Variants in CAPZB observed in about 807,000 individuals in gnomAD.
CAPZB encodes capping actin protein of muscle Z-line subunit beta, also known as F-actin-capping protein subunit beta.
In CAPZB, 2 loss-of-function variants were observed where a neutral mutation model predicts 38.1. That is an observed-to-expected ratio of 0.05 (90% CI 0.02 to 0.17). The LOEUF is 0.17. Ranked by LOEUF, CAPZB falls within the 10% of genes least tolerant of loss-of-function variation. The pLI, the probability that CAPZB is intolerant of heterozygous loss-of-function variation, is 1.00. For synonymous variants in CAPZB, 107 were observed against 127.4 expected, an observed-to-expected ratio of 0.84 and a Z score of 1.08; for missense variants, 161 against 334.2, an observed-to-expected ratio of 0.48 and a Z score of 4.04.
Position 19,445,366 on chromosome 1 carries a change from C to CA in CAPZB, c.4-25617_4-25616insT, listed in dbSNP as rs1455146411. Among the ~76,000 whole-genome samples the CA allele has an allele frequency of 7.7e-4, 115 of 148,876 alleles. 1 individual carries two copies. Among genetic ancestry groups the CA allele is most frequent in the Non-Finnish European group, 6.0e-5 (4 of 66,998 alleles). On this transcript the variant is annotated intron_variant, in intron 1 of 8. Transcript: ENST00000264202. ...ATCCATGAGGGGGAATTTTGAGTGA[C>CA]TTTTTTTTTTTTAATTCTCTTTATA...
rs2094022298 is a variant in CAPZB at position 19,356,603 on chromosome 1, A to G, written c.588+32T>C. On this transcript the variant is annotated intron_variant, in intron 6 of 8. Transcript: ENST00000264202. The surrounding 1 kb of genome is among the most constrained non-coding windows in gnomAD (Gnocchi z 4.3). Reference sequence around the variant, plus strand: ...AGCACTGAGGCCAGCACCTGTGGGCACTGGCAAGTGGCTATGAGCGGGTAA... The same window carrying G: ...AGCACTGAGGCCAGCACCTGTGGGCGCTGGCAAGTGGCTATGAGCGGGTAA... 2 of 1,419,754 alleles carry G rather than the reference A, an allele frequency of 1.4e-6. No homozygotes were observed. Among genetic ancestry groups the G allele is most frequent in the African/African-American group, 1.4e-5 (1 of 71,162 alleles). The allele number at this position is 1,419,754 out of a possible 1,614,324, so 87.9% of individuals were successfully genotyped here.
chr1:19,391,601 T>A (rs955787901), intron 2 of CAPZB, among the ~76,000 whole-genome samples: 1 of 152,316 alleles, frequency 6.6e-6, no homozygotes, highest in South Asian at 2.1e-4. Flanking sequence ...AAGTGGCACA[T>A]ACACTCGTGT....
chr1:19,367,853 C>T (rs1011819131), intron 4 of CAPZB, among the ~76,000 whole-genome samples: 1 of 152,156 alleles, frequency 6.6e-6, no homozygotes. Context: ...ACAATGGTGC[C>T]GCTGCAGGGG....
At chr1:19,366,184 C>T (rs957250813) in intron 4 of CAPZB, among the ~76,000 whole-genome samples, 18 of 149,954 alleles carry the variant, frequency 1.2e-4, no homozygotes, top group Non-Finnish European at 5.9e-5. Context: ...TGGTGGCTCA[C>T]GCCTATAATC....
chr1:19,483,730 T>C (rs905033591), intron 1 of CAPZB, among the ~76,000 whole-genome samples: 2 of 152,192 alleles, frequency 1.3e-5, no homozygotes, highest in South Asian at 2.1e-4. Flanking sequence ...TCGTTCTCCA[T>C]CAAGGCCTGG....
chr1:19,401,700 C>T (rs990292578), intron 2 of CAPZB, among the ~76,000 whole-genome samples: 2 of 152,176 alleles, frequency 1.3e-5, no homozygotes, highest in Non-Finnish European at 2.9e-5. Context: ...TAAACAACCC[C>T]TTTAGAGCTA....
rs546933518 is a variant in CAPZB at position 19,465,319 on chromosome 1, C to T, written c.3+20117G>A. On this transcript the variant is annotated intron_variant, in intron 1 of 8. Transcript: ENST00000264202. ...GAGGCCCAGGGGAGCTGGCCAGCCC[C>T]TTCCACCATGTGAGGCGCTGTCTAT... Among the ~76,000 whole-genome samples, 8 of 152,272 alleles carry T rather than the reference C, an allele frequency of 5.3e-5. No homozygotes were observed. The East Asian group carries it at 1.5e-3, about 29-fold the overall frequency.
intron 2 of CAPZB, among the ~76,000 whole-genome samples, chr1:19,411,899 T>C (rs997603070): frequency 3.9e-5 from 6 of 152,108 alleles, no homozygotes; most frequent in Admixed American, 1.3e-4. Flanking sequence ...CTCAGGTTGA[T>C]AACAGGCCGG....
At chr1:19,407,400 G>A in intron 2 of CAPZB, among the ~76,000 whole-genome samples, 1 of 152,170 alleles carries the variant, frequency 6.6e-6, no homozygotes, top group East Asian at 1.9e-4. Context: ...AGGTTGTGTA[G>A]GACCCTCACA....
At chr1:19,383,508 G>T (rs4912081) in intron 3 of CAPZB, among the ~76,000 whole-genome samples, 45,549 of 151,304 alleles carry the variant, frequency 0.3, 7,000 homozygotes, top group African/African-American at 0.36. Flanking sequence ...CTTGTGCAGG[G>T]GGCCATGTTC....
intron 2 of CAPZB, among the ~76,000 whole-genome samples, chr1:19,391,203 A>G (rs1250066980): frequency 1.3e-5 from 2 of 151,882 alleles, no homozygotes; most frequent in African/African-American, 4.8e-5. Flanking sequence ...CCTCTTCTCC[A>G]TTAGTTATTA....
chr1:19,371,229 G>A (rs1003371764), intron 4 of CAPZB, among the ~76,000 whole-genome samples: 7 of 152,078 alleles, frequency 4.6e-5, no homozygotes, highest in African/African-American at 7.2e-5. Context: ...CCGAAACTAC[G>A]GCCTTCTCGC....
At position 19,396,689 on chromosome 1, in the gene CAPZB, C is replaced by G. The variant is rs1198842149; in HGVS notation, c.94-11063G>C. Among the ~76,000 whole-genome samples, 3 of 151,914 alleles carry G rather than the reference C, an allele frequency of 2.0e-5. No individual in the cohort carries two copies. In the East Asian group the frequency reaches 5.8e-4, roughly 29 times the overall value. The stretch of plus-strand genomic sequence containing the variant: ...GACGCAGTGGCTCATGCCTGTAATC[C>G]CAGCACTTTGGGAGGCCGAGGCAGG... On this transcript the variant is annotated intron_variant, in intron 2 of 8. Coordinates refer to ENST00000264202, the MANE Select transcript of CAPZB (RefSeq NM_004930.5).
Position 19,342,941 on chromosome 1 carries a change from T to A in CAPZB, c.731+1417A>T, listed in dbSNP as rs765609108. 3.3e-6 allele frequency: 3 copies of A among 900,002 alleles called. No homozygotes were observed. The African/African-American group carries it at 4.9e-5, about 15-fold the overall frequency. The allele number at this position is 900,002 out of a possible 1,614,324, so 55.8% of individuals were successfully genotyped here. On this transcript the variant is annotated intron_variant, in intron 8 of 8. Transcript: ENST00000264202. ...AGCCAGGAACGCAGGGGGCCACAGCTGAGGAGGAAATTCAGGGAGACCCAC... is the reference window on the plus strand; with the variant it reads ...AGCCAGGAACGCAGGGGGCCACAGCAGAGGAGGAAATTCAGGGAGACCCAC...
At chr1:19,355,932 G>T (rs2094018726) in intron 6 of CAPZB, among the ~76,000 whole-genome samples, 1 of 152,160 alleles carries the variant, frequency 6.6e-6, no homozygotes, top group South Asian at 2.1e-4. Context: ...AAGGTAGAAG[G>T]GCGGGCAAGT....
intron 1 of CAPZB, among the ~76,000 whole-genome samples, chr1:19,432,895 G>A (rs780237492): frequency 1.4e-4 from 21 of 152,184 alleles, no homozygotes; most frequent in Admixed American, 2.6e-4. Context: ...CTCTTCTCCC[G>A]GGATGAACAA....
chr1:19,351,237 T>C (rs1459391817), intron 6 of CAPZB, among the ~76,000 whole-genome samples: 1 of 151,988 alleles, frequency 6.6e-6, no homozygotes, highest in Non-Finnish European at 1.5e-5. Flanking sequence ...TGCCTTGGCC[T>C]CCCAAAGTGC....
At chr1:19,350,550 T>C (rs1214240314) in intron 6 of CAPZB, among the ~76,000 whole-genome samples, 1 of 152,258 alleles carries the variant, frequency 6.6e-6, no homozygotes, top group Non-Finnish European at 1.5e-5. Flanking sequence ...AGGAAAATTT[T>C]GAATCTAGAA....
intron 1 of CAPZB, among the ~76,000 whole-genome samples, chr1:19,442,255 T>C (rs994975112): frequency 1.3e-5 from 2 of 152,184 alleles, no homozygotes. Context: ...GGTACACTAT[T>C]AGAATCTGGC....
Sources: gnomAD v4.1 joint callset for allele counts (sites outside exome capture counted in the v4.1 genomes callset) on GRCh38, gnomAD v4.1.1 for gene constraint, Gnocchi (gnomAD v3.1) non-coding constraint, MANE v1.5 for transcripts, NCBI Gene and HGNC (gene_info 2026-07-23, HGNC 2026-07-21) for gene names.